The following LRMDA variants were observed in gnomAD, a reference collection of about 807,000 sequenced individuals.
LRMDA encodes leucine rich melanocyte differentiation associated, also known as leucine-rich melanocyte differentiation-associated protein.
In LRMDA, 18 loss-of-function variants were observed where a neutral mutation model predicts 29.8. The ratio of observed to expected loss-of-function variants is 0.60; its 90% CI spans 0.42 to 0.90. The LOEUF (loss-of-function observed/expected upper bound fraction) is 0.90, where lower values mean the gene tolerates loss of function less well. Among genes scored for constraint, LRMDA ranks in the 40% least tolerant of loss-of-function variants. The pLI, the probability that LRMDA is intolerant of heterozygous loss-of-function variation, is 0.00. For missense variants in LRMDA, 273 were observed against 273.9 expected (o/e 1.00, Z 0.02); for synonymous variants, 125 against 109.4 (o/e 1.14, Z -0.89).
chr10:76,392,362 G>A (rs1179200190), intron 6 of LRMDA, among the ~76,000 whole-genome samples: 1 of 152,032 alleles, frequency 6.6e-6, no homozygotes, highest in Non-Finnish European at 1.5e-5. Flanking sequence ...TGTTTGTCAT[G>A]TACAAATGTT....
intron 2 of LRMDA, among the ~76,000 whole-genome samples, chr10:75,572,350 T>G (rs1048602692): frequency 2.6e-5 from 4 of 152,132 alleles, no homozygotes; most frequent in African/African-American, 9.7e-5. Flanking sequence ...TTTTTTTTTT[T>G]TCTTCAGTGC....
At chr10:76,255,719 C>T (rs568777637) in intron 5 of LRMDA, among the ~76,000 whole-genome samples, 7 of 152,060 alleles carry the variant, frequency 4.6e-5, no homozygotes, top group South Asian at 2.1e-4. Context: ...TAAATCATTC[C>T]GAAAGAAATA....
chr10:76,104,723 A>G (rs1241668939), intron 5 of LRMDA, among the ~76,000 whole-genome samples: 1 of 152,134 alleles, frequency 6.6e-6, no homozygotes, highest in Non-Finnish European at 1.5e-5. Flanking sequence ...GGTCATGACA[A>G]TGGGCTGAAT....
intron 6 of LRMDA, among the ~76,000 whole-genome samples, chr10:76,370,768 A>G (rs1044713033): frequency 1.4e-4 from 21 of 152,272 alleles, no homozygotes; most frequent in Admixed American, 3.9e-4. Flanking sequence ...TACTATATAT[A>G]GTAAGTGGAG....
At chr10:75,508,777 A>T (rs1421855637) in intron 2 of LRMDA, among the ~76,000 whole-genome samples, 1 of 152,194 alleles carries the variant, frequency 6.6e-6, no homozygotes, top group African/African-American at 2.4e-5. Context: ...TTAGTCCTCA[A>T]TTACCCACAC....
intron 5 of LRMDA, among the ~76,000 whole-genome samples, chr10:76,184,071 C>A (rs969058881): frequency 6.7e-6 from 1 of 150,174 alleles, no homozygotes; most frequent in East Asian, 2.0e-4. Context: ...TACTCTGTTG[C>A]CCAGGCTGGA....
chr10:76,480,773 T>G (rs1424942331), intron 6 of LRMDA, among the ~76,000 whole-genome samples: 1 of 151,946 alleles, frequency 6.6e-6, no homozygotes, highest in Non-Finnish European at 1.5e-5. Context: ...TTGGAGCATG[T>G]TTAACTCAAC....
chr10:75,692,341 G>T lies in LRMDA; in HGVS notation c.131+253847G>T, dbSNP rs377514539. Reference sequence around the variant, plus strand: ...TATACATATGTATATATATGTATATGTATTGATGGAATAGGCCAGGTTCTA... The same window carrying T: ...TATACATATGTATATATATGTATATTTATTGATGGAATAGGCCAGGTTCTA... On this transcript the variant is annotated intron_variant, in intron 2 of 6. Coordinates refer to ENST00000611255, the MANE Select transcript of LRMDA (RefSeq NM_001305581.2). Among the ~76,000 whole-genome samples the T allele has an allele frequency of 4.2e-5, 6 of 143,922 alleles. No individual in the cohort carries two copies. The East Asian group carries it at 8.0e-4, about 19-fold the overall frequency. The allele number at this position is 143,922 out of a possible 152,430, so 94.4% of individuals were successfully genotyped here. A position where few individuals can be genotyped will look rare whatever the true frequency, so the allele number is the denominator to read the frequency against.
intron 2 of LRMDA, among the ~76,000 whole-genome samples, chr10:75,578,215 CAAAA>C (rs1183989010): frequency 8.4e-4 from 12 of 14,226 alleles, no homozygotes; most frequent in Admixed American, 4.7e-3. Context: ...AAATGGAAAG[CAAAA>C]AAAAAAAAAA....
At chr10:76,214,098 G>A (rs1300106562) in intron 5 of LRMDA, among the ~76,000 whole-genome samples, 1 of 152,038 alleles carries the variant, frequency 6.6e-6, no homozygotes. Context: ...ATGCTCCCAG[G>A]CATAATTCTC....
intron 2 of LRMDA, among the ~76,000 whole-genome samples, chr10:76,008,003 C>T (rs527744585): frequency 9.2e-5 from 14 of 152,246 alleles, no homozygotes; most frequent in East Asian, 3.9e-4. Flanking sequence ...TTGGCTCTCT[C>T]GAGCTCTCAT....
intron 5 of LRMDA, among the ~76,000 whole-genome samples, chr10:76,182,642 A>G (rs768781659): frequency 6.6e-6 from 1 of 152,154 alleles, no homozygotes. Flanking sequence ...AAGTTAGCAC[A>G]CTGTAGACAG....
intron 1 of LRMDA, among the ~76,000 whole-genome samples, chr10:75,433,350 T>G (rs1172205528): frequency 2.0e-5 from 3 of 152,180 alleles, no homozygotes; most frequent in Non-Finnish European, 4.4e-5. Context: ...CTTAGCCTAC[T>G]CCAAACAGCC....
chr10:75,540,209 G>T (rs1466269274), intron 2 of LRMDA, among the ~76,000 whole-genome samples: 1 of 152,222 alleles, frequency 6.6e-6, no homozygotes, highest in African/African-American at 2.4e-5. Context: ...GCTCTGAGAA[G>T]TGACATTTAA....
rs533294037 is a variant in LRMDA at position 75,819,370 on chromosome 10, T to G, written c.132-216638T>G. Among the ~76,000 whole-genome samples, 5 of 150,040 alleles carry G rather than the reference T, an allele frequency of 3.3e-5. No individual in the cohort carries two copies. In the South Asian group the frequency reaches 8.6e-4, roughly 26 times the overall value. The stretch of plus-strand genomic sequence containing the variant: ...GTTGTGGGAAGGGATTACCTATAGA[T>G]CCAATAGGAAACCATTTTGAGTCTG... On this transcript the variant is annotated intron_variant, in intron 2 of 6. Coordinates refer to ENST00000611255, the MANE Select transcript of LRMDA (RefSeq NM_001305581.2).
chr10:76,297,766 C>T (rs1392148419), intron 5 of LRMDA, among the ~76,000 whole-genome samples: 1 of 152,136 alleles, frequency 6.6e-6, no homozygotes, highest in African/African-American at 2.4e-5. Flanking sequence ...CTTTGTGCTA[C>T]TTGAGGCAGA....
chr10:75,432,538 TTC>T (rs1309705332), intron 1 of LRMDA, among the ~76,000 whole-genome samples: 1 of 152,344 alleles, frequency 6.6e-6, no homozygotes, highest in Middle Eastern at 3.4e-3. Context: ...GAAAAGCCAG[TTC>T]TCTGTCTTTA....
chr10:76,288,731 C>G (rs991241140), intron 5 of LRMDA, among the ~76,000 whole-genome samples: 5 of 152,118 alleles, frequency 3.3e-5, no homozygotes, highest in African/African-American at 1.2e-4. Context: ...GCACCTCCAA[C>G]CCCAAACCCC....
rs563814984 is a variant in LRMDA at position 76,476,894 on chromosome 10, C to A, written c.602-80315C>A. Among the ~76,000 whole-genome samples, 3 of 152,172 alleles carry A rather than the reference C, an allele frequency of 2.0e-5. No homozygotes were observed. In the South Asian group the frequency reaches 6.2e-4, roughly 32 times the overall value. Reference sequence around the variant, plus strand: ...CTCAATAAATTAGTTATTGATGGGACGTATCTCAAAATAATAAGAGCTATT... The same window carrying A: ...CTCAATAAATTAGTTATTGATGGGAAGTATCTCAAAATAATAAGAGCTATT... On this transcript the variant is annotated intron_variant, in intron 6 of 6. Coordinates refer to ENST00000611255, the MANE Select transcript of LRMDA (RefSeq NM_001305581.2).
Sources: allele counts gnomAD v4.1 joint callset (sites outside exome capture counted in the v4.1 genomes callset), GRCh38; gene constraint gnomAD v4.1.1; transcripts MANE v1.5; gene names NCBI Gene and HGNC (gene_info 2026-07-23, HGNC 2026-07-21).